Variants in FAM114A1 observed in about 807,000 individuals in gnomAD.
FAM114A1 encodes the protein protein NOXP20.
In FAM114A1, 62 loss-of-function variants were observed where a neutral mutation model predicts 64.3. That is an observed-to-expected ratio of 0.96 (90% CI 0.79 to 1.19). The LOEUF (loss-of-function observed/expected upper bound fraction) is 1.19, where lower values mean the gene tolerates loss of function less well. FAM114A1 is among the 50% of genes most tolerant of loss of function. FAM114A1 has a pLI of 0.00. For missense variants in FAM114A1, 645 were observed against 676.3 expected (o/e 0.95, Z 0.51); for synonymous variants, 254 against 251.1 (o/e 1.01, Z -0.11).
chr4:38,905,956 C>A, intron 6 of FAM114A1, 95 bp downstream of exon 6: 2 of 1,057,778 alleles, frequency 1.9e-6, no homozygotes, highest in Non-Finnish European at 2.7e-6. Context: ...ATCAGAGAAA[C>A]GATGGCCTTG....
In FAM114A1 at chr4:38,905,985, G is replaced by GT. The variant is rs1579347318; in HGVS notation, c.657+124_657+125insT. On this transcript the variant is annotated intron_variant, in intron 6 of 14. Transcript: ENST00000358869. Reference sequence around the variant, plus strand: ...GGCCTTGCTCAGAACTTTGGATTATGGTTTTTTTTTTAATGTTTTCTGCTA... The same window carrying GT: ...GGCCTTGCTCAGAACTTTGGATTATGTGTTTTTTTTTTAATGTTTTCTGCTA... The GT allele has an allele frequency of 7.5e-5, 59 of 788,772 alleles. No homozygotes were observed. The South Asian group carries it at 8.1e-4, about 11-fold the overall frequency. 48.9% of individuals were successfully genotyped at this position (788,772 alleles called of 1,614,324 possible).
At chr4:38,927,583 C>T (rs976906341) in intron 9 of FAM114A1, among the ~76,000 whole-genome samples, 1 of 152,206 alleles carries the variant, frequency 6.6e-6, no homozygotes, top group Non-Finnish European at 1.5e-5. Context: ...CAGACCACAG[C>T]ACCTCCTGTT....
At chr4:38,915,913 G>A (rs892735295) in intron 8 of FAM114A1, among the ~76,000 whole-genome samples, 31 of 152,120 alleles carry the variant, frequency 2.0e-4, no homozygotes, top group African/African-American at 7.0e-4. Context: ...ACTGTGCTCC[G>A]GAGTGGTTTT....
chr4:38,934,871 A>G (rs894759142), intron 12 of FAM114A1, among the ~76,000 whole-genome samples: 1 of 151,922 alleles, frequency 6.6e-6, no homozygotes, highest in African/African-American at 2.4e-5. Flanking sequence ...CCTGAGTTTG[A>G]ATCCCTCCTC....
At chr4:38,907,365 T>C (rs1718123496) in intron 6 of FAM114A1, among the ~76,000 whole-genome samples, 1 of 152,212 alleles carries the variant, frequency 6.6e-6, no homozygotes, top group African/African-American at 2.4e-5. Flanking sequence ...CAGCCTCACA[T>C]TCCTTTCTGT....
chr4:38,893,714 T>C (rs1716620373), intron 4 of FAM114A1, among the ~76,000 whole-genome samples: 1 of 152,210 alleles, frequency 6.6e-6, no homozygotes, highest in African/African-American at 2.4e-5. Context: ...AGCTCTCCCA[T>C]TGAATTTACT....
chr4:38,942,665 C>T (rs1010871962), intron 14 of FAM114A1, among the ~76,000 whole-genome samples: 6 of 152,188 alleles, frequency 3.9e-5, no homozygotes, highest in African/African-American at 1.4e-4. Flanking sequence ...GCTATCCCAA[C>T]CAAACATAAA....
intron 3 of FAM114A1, among the ~76,000 whole-genome samples, chr4:38,888,007 A>G (rs1365377020): frequency 6.6e-6 from 1 of 152,188 alleles, no homozygotes; most frequent in African/African-American, 2.4e-5. Flanking sequence ...GATCTGCTCA[A>G]GGAAATAGAA....
rs1491266248 is a variant in FAM114A1 at position 38,877,978 on chromosome 4, AAG to A, written c.-8-92_-8-91del. ...AAACTCCGTCTCAAAAAAAAAAAAAAAGTTTTCCCCTACCAGATTTATTTATC... is the reference window on the plus strand; with the variant it reads ...AAACTCCGTCTCAAAAAAAAAAAAAATTTTCCCCTACCAGATTTATTTATC... On this transcript the variant is annotated intron_variant, in intron 2 of 14. Coordinates refer to ENST00000358869, the MANE Select transcript of FAM114A1 (RefSeq NM_138389.4). 6.1e-3 allele frequency: 6,761 copies of A among 1,114,356 alleles called. 23 individuals carry two copies. The highest frequency in any genetic ancestry group is 0.029 in the South Asian group (1,736 of 60,698). The allele number at this position is 1,114,356 out of a possible 1,614,324, so 69.0% of individuals were successfully genotyped here. A position where few individuals can be genotyped will look rare whatever the true frequency, so the allele number is the denominator to read the frequency against.
At chr4:38,884,029 A>G (rs754704544) in intron 3 of FAM114A1, among the ~76,000 whole-genome samples, 8 of 152,240 alleles carry the variant, frequency 5.3e-5, no homozygotes, top group African/African-American at 1.9e-4. Flanking sequence ...TCTATTTTTA[A>G]TGAATTCCCC....
At chr4:38,885,849 A>T (rs1049991606) in intron 3 of FAM114A1, among the ~76,000 whole-genome samples, 1 of 152,152 alleles carries the variant, frequency 6.6e-6, no homozygotes, top group Non-Finnish European at 1.5e-5. Flanking sequence ...TTAATTTGAG[A>T]AGCACCCATA....
At chr4:38,922,165 G>C (rs2109750930) in intron 8 of FAM114A1, among the ~76,000 whole-genome samples, 1 of 152,162 alleles carries the variant, frequency 6.6e-6, no homozygotes, top group South Asian at 2.1e-4. Context: ...TGGTCTTGAT[G>C]TCCTGACCTC....
At chr4:38,883,152 T>C (rs1313070786) in intron 3 of FAM114A1, among the ~76,000 whole-genome samples, 1 of 152,184 alleles carries the variant, frequency 6.6e-6, no homozygotes, top group Non-Finnish European at 1.5e-5. Context: ...CAATGCATTA[T>C]GCCCAGAAAT....
intron 8 of FAM114A1, among the ~76,000 whole-genome samples, chr4:38,916,359 C>T (rs1719048831): frequency 1.3e-5 from 2 of 152,044 alleles, no homozygotes; most frequent in South Asian, 4.2e-4. Context: ...ATTTATTTAG[C>T]TCATTAATTA....
chr4:38,910,979 G>T (rs1442658067), intron 7 of FAM114A1, among the ~76,000 whole-genome samples: 1 of 152,244 alleles, frequency 6.6e-6, no homozygotes, highest in East Asian at 1.9e-4. Flanking sequence ...AATCTGATTT[G>T]TGCTTTAACA....
intron 7 of FAM114A1, among the ~76,000 whole-genome samples, chr4:38,909,362 A>G (rs546516984): frequency 6.6e-6 from 1 of 152,338 alleles, no homozygotes; most frequent in South Asian, 2.1e-4. Flanking sequence ...ATGTGTCGGT[A>G]TAATAGGTGG....
intron 8 of FAM114A1, among the ~76,000 whole-genome samples, chr4:38,917,185 T>TAAATAAAA (rs952530167): frequency 1.3e-5 from 2 of 148,796 alleles, no homozygotes; most frequent in African/African-American, 5.1e-5. Context: ...AATAAATAAA[T>TAAATAAAA]AAAAAAGCTG....
chr4:38,932,245 T>C lies in FAM114A1; in HGVS notation c.1334T>C (p.Met445Thr), dbSNP rs938423946. 6.9e-6 allele frequency: 11 copies of C among 1,603,824 alleles called. No homozygotes were observed. The highest frequency in any genetic ancestry group is 8.5e-6 in the Non-Finnish European group (10 of 1,177,682). Reference protein sequence around the residue: ...KKTKTIEEVYMSSIESLAEVT... With the variant: ...KKTKTIEEVYTSSIESLAEVT... ...GTCTATTCATTTCAGGAAGTATACA[T>C]GTCGTCCATTGAAAGTCTGGCGGAG... The change falls in exon 12 of 15, where the codon ATG becomes ACG. Residue 445 changes from methionine (M) to threonine (T), a missense_variant. Met to Thr is a moderately conservative substitution (Grantham distance 81). Transcript: ENST00000358869.
chr4:38,911,221 G>T (rs943562718), intron 7 of FAM114A1, among the ~76,000 whole-genome samples: 4 of 152,282 alleles, frequency 2.6e-5, no homozygotes, highest in African/African-American at 9.6e-5. Context: ...AAGAGAAGAG[G>T]GTGAGAAAAA....
Sources: gnomAD v4.1 joint callset for allele counts (sites outside exome capture counted in the v4.1 genomes callset) on GRCh38, gnomAD v4.1.1 for gene constraint, MANE v1.5 for transcripts, NCBI Gene and HGNC (gene_info 2026-07-23, HGNC 2026-07-21) for gene names.